FAM135A: variants seen among roughly 807,000 people sequenced by gnomAD.
FAM135A encodes the protein family with sequence similarity 135 member A, also known as protein FAM135A.
Under a neutral mutation model 146.8 loss-of-function variants are expected in FAM135A, and 79 were observed. That is an observed-to-expected ratio of 0.54 (90% CI 0.45 to 0.65). The LOEUF is 0.65. Among genes scored for constraint, FAM135A ranks in the 30% least tolerant of loss-of-function variants. The probability of loss-of-function intolerance (pLI) is 0.00; values close to 1 mark genes in which losing one functional copy is unlikely to be tolerated. For synonymous variants in FAM135A, 562 were observed against 603.6 expected, an observed-to-expected ratio of 0.93 and a Z score of 1.01; for missense variants, 1,623 against 1,758.2, an observed-to-expected ratio of 0.92 and a Z score of 1.38.
intron 8 of FAM135A, 117 bp from the exon 9 acceptor site, chr6:70,480,783 AC>A: frequency 3.4e-6 from 3 of 880,834 alleles, no homozygotes; most frequent in Non-Finnish European, 4.8e-6. Context: ...GTACTTTTGA[AC>A]TTATAAACTT....
intron 11 of FAM135A, among the ~76,000 whole-genome samples, chr6:70,492,860 T>A (rs1292233822): frequency 6.6e-6 from 1 of 152,046 alleles, no homozygotes; most frequent in Non-Finnish European, 1.5e-5. Context: ...GTGAAACTAG[T>A]ATCTGCATAC....
Position 70,560,871 on chromosome 6 carries a change from A to G in FAM135A, c.*950A>G, listed in dbSNP as rs1801770591. Reference sequence around the variant, plus strand: ...ATAATTCATGTTAAAGATGGAACAAAATAATTAACTTTACATGTTTGGTGA... The same window carrying G: ...ATAATTCATGTTAAAGATGGAACAAGATAATTAACTTTACATGTTTGGTGA... On this transcript the variant is annotated 3_prime_UTR_variant, in exon 22 of 22. Transcript: ENST00000418814. 1 of 152,624 alleles carries G rather than the reference A, an allele frequency of 6.6e-6. No individual in the cohort carries two copies. Among genetic ancestry groups the G allele is most frequent in the Non-Finnish European group, 1.5e-5 (1 of 67,990 alleles). 9.5% of individuals were successfully genotyped at this position (152,624 alleles called of 1,614,324 possible). A position where few individuals can be genotyped will look rare whatever the true frequency, so the allele number is the denominator to read the frequency against.
chr6:70,438,311 A>G (rs1465285014), intron 4 of FAM135A, among the ~76,000 whole-genome samples: 1 of 152,202 alleles, frequency 6.6e-6, no homozygotes, highest in Non-Finnish European at 1.5e-5. Flanking sequence ...ATCCTCCCTT[A>G]AGTAGTTTTA....
intron 7 of FAM135A, among the ~76,000 whole-genome samples, chr6:70,476,131 C>T (rs558794388): frequency 5.3e-5 from 8 of 152,214 alleles, no homozygotes; most frequent in East Asian, 3.9e-4. Flanking sequence ...TCAAGACTGA[C>T]GATGTGCACT....
At chr6:70,522,721 C>T in intron 13 of FAM135A, 135 bp downstream of exon 13, 1 of 665,324 alleles carries the variant, frequency 1.5e-6, no homozygotes, top group South Asian at 2.3e-5. Flanking sequence ...TCAGAAATCC[C>T]ATCTATAATC....
chr6:70,481,661 A>AG (rs1783727836), intron 9 of FAM135A, among the ~76,000 whole-genome samples: 1 of 151,368 alleles, frequency 6.6e-6, no homozygotes, highest in Non-Finnish European at 1.5e-5. Flanking sequence ...AAAAAAAAAA[A>AG]GAGTGGTACA....
intron 17 of FAM135A, 54 bp from the exon 18 acceptor site, chr6:70,533,703 C>A: frequency 9.5e-7 from 1 of 1,047,172 alleles, no homozygotes; most frequent in Non-Finnish European, 1.4e-6. Flanking sequence ...GTTAGTTTTT[C>A]ATGTGATTAT....
intron 5 of FAM135A, among the ~76,000 whole-genome samples, chr6:70,465,662 G>A (rs963456616): frequency 6.6e-6 from 1 of 152,076 alleles, no homozygotes; most frequent in African/African-American, 2.4e-5. Flanking sequence ...TAACAGGCGT[G>A]AGCCACACAC....
At chr6:70,520,182 T>C (rs1793249848) in intron 12 of FAM135A, among the ~76,000 whole-genome samples, 1 of 152,166 alleles carries the variant, frequency 6.6e-6, no homozygotes, top group African/African-American at 2.4e-5. Context: ...ATTTGCTCTT[T>C]TAATGTGGTG....
At chr6:70,507,920 T>G (rs1790160541) in intron 12 of FAM135A, among the ~76,000 whole-genome samples, 1 of 152,054 alleles carries the variant, frequency 6.6e-6, no homozygotes, top group African/African-American at 2.4e-5. Context: ...CTGTAAAGAA[T>G]CTTGAGATTT....
chr6:70,511,991 C>T (rs543111336), intron 12 of FAM135A, among the ~76,000 whole-genome samples: 8 of 151,880 alleles, frequency 5.3e-5, no homozygotes, highest in African/African-American at 1.2e-4. Context: ...TTGTCTTAAA[C>T]GTCATTATGT....
intron 18 of FAM135A, among the ~76,000 whole-genome samples, chr6:70,535,397 C>T (rs1265932195): frequency 2.6e-5 from 4 of 152,100 alleles, no homozygotes; most frequent in Non-Finnish European, 4.4e-5. Flanking sequence ...TCTGTGGCCT[C>T]TTAGGAACCA....
intron 4 of FAM135A, among the ~76,000 whole-genome samples, chr6:70,450,713 G>GTTTTTTTTTTTTTTTTTTTTT (rs1192559967): frequency 1.0e-4 from 3 of 29,780 alleles, no homozygotes; most frequent in Admixed American, 4.4e-4. Flanking sequence ...GACCCTTTTA[G>GTTTTTTTTTTTTTTTTTTTTT]TTGTTTTTTT....
intron 1 of FAM135A, 93 bp from the exon 2 acceptor site, chr6:70,415,198 A>T (rs931663043): frequency 6.6e-6 from 1 of 152,228 alleles, no homozygotes; most frequent in Non-Finnish European, 1.5e-5. Context: ...TGGCTTAAAT[A>T]AAACTTCTCT....
At chr6:70,456,982 G>C (rs933773329) in intron 5 of FAM135A, among the ~76,000 whole-genome samples, 1 of 152,166 alleles carries the variant, frequency 6.6e-6, no homozygotes, top group African/African-American at 2.4e-5. Context: ...CTCTGGGCAG[G>C]AACCTCAGAA....
At chr6:70,551,971 A>G (rs1457371420) in intron 20 of FAM135A, among the ~76,000 whole-genome samples, 1 of 152,236 alleles carries the variant, frequency 6.6e-6, no homozygotes, top group African/African-American at 2.4e-5. Flanking sequence ...GTACTATTGG[A>G]AAAATGGTGC....
chr6:70,530,934 T>C (rs1192193636), intron 16 of FAM135A, among the ~76,000 whole-genome samples: 1 of 152,216 alleles, frequency 6.6e-6, no homozygotes, highest in Non-Finnish European at 1.5e-5. Flanking sequence ...GTCAGTGCCT[T>C]CTTTTTTACA....
rs1794453730 is a variant in FAM135A at position 70,525,230 on chromosome 6, G to A, written c.2146G>A (p.Ala716Thr). ...KSIEITFEKE[A>T]LQEAKCLSIG... ...TATAGAAATAACATTTGAAAAGGAA[G>A]CTTTGCAAGAAGCAAAGTGTCTTTC... The change falls in exon 15 of 22, where the codon GCT becomes ACT. Residue 716 changes from alanine (A) to threonine (T), a missense_variant. Physicochemically the swap from Ala to Thr is moderately conservative, Grantham distance 58 (BLOSUM62 0). Around this residue, in one of 7 missense-constraint regions of FAM135A, gnomAD observed 1,061 missense variants for 1,113.8 expected, o/e 0.95. Transcript: ENST00000418814. 1 of 1,599,772 alleles carries A rather than the reference G, an allele frequency of 6.3e-7. No individual in the cohort carries two copies.
chr6:70,455,778 T>C (rs1261497815), intron 5 of FAM135A, among the ~76,000 whole-genome samples: 1 of 152,062 alleles, frequency 6.6e-6, no homozygotes, highest in Non-Finnish European at 1.5e-5. Context: ...CTAACCACTT[T>C]TAAGTAATAA....
Sources: gnomAD v4.1 joint callset for allele counts (sites outside exome capture counted in the v4.1 genomes callset) on GRCh38, gnomAD v4.1.1 for gene constraint, gnomAD v4.1.1 regional missense constraint, MANE v1.5 for transcripts, NCBI Gene and HGNC (gene_info 2026-07-23, HGNC 2026-07-21) for gene names.